Variants in CTNNA3 observed in about 807,000 individuals in gnomAD.
CTNNA3 encodes catenin alpha-3.
CTNNA3 carries 76 observed loss-of-function variants against 95.7 expected under a neutral mutation model. That is an observed-to-expected ratio of 0.79 (90% CI 0.66 to 0.96). The LOEUF is 0.96. Ranked by LOEUF, CTNNA3 falls within the 40% of genes least tolerant of loss-of-function variation. CTNNA3 has a pLI of 0.00. For missense variants in CTNNA3, 1,191 were observed against 1,089.8 expected, an observed-to-expected ratio of 1.09 and a Z score of -1.31; for synonymous variants, 431 against 374.4, an observed-to-expected ratio of 1.15 and a Z score of -1.74.
chr10:67,008,380 T>G (rs1852128564), intron 7 of CTNNA3, among the ~76,000 whole-genome samples: 1 of 152,178 alleles, frequency 6.6e-6, no homozygotes, highest in Non-Finnish European at 1.5e-5. Context: ...TTATATTCAG[T>G]TTTTTAGTTG....
chr10:67,560,147 A>G (rs1841444760), intron 3 of CTNNA3, among the ~76,000 whole-genome samples: 1 of 152,114 alleles, frequency 6.6e-6, no homozygotes, highest in African/African-American at 2.4e-5. Context: ...CACCACAAAG[A>G]TACTCCTCGA....
intron 12 of CTNNA3, among the ~76,000 whole-genome samples, chr10:66,322,085 A>G (rs978772008): frequency 4.6e-5 from 7 of 152,150 alleles, no homozygotes; most frequent in South Asian, 2.1e-4. Context: ...CACACTCAGA[A>G]CAGGCCTCAC....
chr10:66,655,744 T>G (rs1041268088), intron 9 of CTNNA3, among the ~76,000 whole-genome samples: 2 of 151,984 alleles, frequency 1.3e-5, no homozygotes, highest in Non-Finnish European at 2.9e-5. Context: ...GCAGAGACAC[T>G]GAGGGAGATA....
chr10:66,835,389 C>G (rs528487139), intron 7 of CTNNA3, among the ~76,000 whole-genome samples: 69 of 152,288 alleles, frequency 4.5e-4, no homozygotes, highest in African/African-American at 1.6e-3. Context: ...CCCAGTCAGA[C>G]CCAAGGAATG....
intron 11 of CTNNA3, among the ~76,000 whole-genome samples, chr10:66,447,360 T>C (rs1025737592): frequency 5.5e-5 from 8 of 144,306 alleles, no homozygotes; most frequent in Non-Finnish European, 6.0e-5. Context: ...AGAGCCCGCA[T>C]CGCCAAGTCA....
chr10:66,205,076 A>G (rs1406617026), intron 13 of CTNNA3, among the ~76,000 whole-genome samples: 1 of 152,140 alleles, frequency 6.6e-6, no homozygotes, highest in Non-Finnish European at 1.5e-5. Context: ...AGCCTGCTCT[A>G]CAATGTTCAA....
intron 17 of CTNNA3, among the ~76,000 whole-genome samples, chr10:65,921,710 C>CG (rs1286042148): frequency 6.6e-5 from 10 of 152,170 alleles, no homozygotes; most frequent in Non-Finnish European, 2.9e-5. Context: ...TTCTGAGACT[C>CG]CTGCTGAGAG....
chr10:67,292,817 T>C (rs534993954), intron 5 of CTNNA3, among the ~76,000 whole-genome samples: 157 of 152,100 alleles, frequency 1.0e-3, no homozygotes, highest in Non-Finnish European at 1.9e-3. Context: ...GAACAAATCA[T>C]TGTGGTTTGA....
intron 11 of CTNNA3, among the ~76,000 whole-genome samples, chr10:66,439,085 C>T (rs2131779734): frequency 6.6e-6 from 1 of 152,188 alleles, no homozygotes; most frequent in East Asian, 1.9e-4. Context: ...CAGAAATCAC[C>T]CACCTTCTGC....
chr10:67,483,794 A>C (rs1848340902), intron 5 of CTNNA3, among the ~76,000 whole-genome samples: 1 of 151,572 alleles, frequency 6.6e-6, no homozygotes, highest in African/African-American at 2.4e-5. Context: ...AAAACAAAAA[A>C]AAAACAAAAC....
rs911257725 is a variant in CTNNA3 at position 66,170,232 on chromosome 10, C to T, written c.1885-66983G>A. Among the ~76,000 whole-genome samples the T allele has an allele frequency of 4.2e-5, 6 of 141,566 alleles. No individual in the cohort carries two copies. The Admixed American group carries it at 4.3e-4, about 10-fold the overall frequency. The allele number at this position is 141,566 out of a possible 152,430, so 92.9% of individuals were successfully genotyped here. A position where few individuals can be genotyped will look rare whatever the true frequency, so the allele number is the denominator to read the frequency against. On this transcript the variant is annotated intron_variant, in intron 13 of 17. Transcript: ENST00000433211. ...GATGAGAATCCAGTTGCATTCTCCT[C>T]CTCATTGTCTTTTTTTTTTTTTTTT...
At chr10:66,350,175 G>A (rs903435792) in intron 12 of CTNNA3, among the ~76,000 whole-genome samples, 7 of 151,984 alleles carry the variant, frequency 4.6e-5, no homozygotes, top group Admixed American at 2.0e-4. Context: ...ATCCTCTTTC[G>A]TTAAATACTT....
At chr10:67,695,082 A>C (rs762425416) in intron 1 of CTNNA3, among the ~76,000 whole-genome samples, 1 of 152,230 alleles carries the variant, frequency 6.6e-6, no homozygotes, top group Non-Finnish European at 1.5e-5. Context: ...TGAATCTTCA[A>C]ATCACAACTA....
At position 66,452,261 on chromosome 10, in the gene CTNNA3, T is replaced by C. The variant is rs995619806; in HGVS notation, c.1531+68356A>G. ...CCCATTTATATTATTTCGTGTACTGTATTTTTTCCATTAGACTTTTTGTCA... is the reference window on the plus strand; with the variant it reads ...CCCATTTATATTATTTCGTGTACTGCATTTTTTCCATTAGACTTTTTGTCA... On this transcript the variant is annotated intron_variant, in intron 11 of 17. Coordinates refer to ENST00000433211, the MANE Select transcript of CTNNA3 (RefSeq NM_013266.4). Among the ~76,000 whole-genome samples the C allele has an allele frequency of 2.0e-5, 3 of 152,220 alleles. No homozygotes were observed. The South Asian group carries it at 6.2e-4, about 32-fold the overall frequency.
chr10:67,178,333 T>C (rs906235318), intron 7 of CTNNA3, among the ~76,000 whole-genome samples: 2 of 152,108 alleles, frequency 1.3e-5, no homozygotes, highest in African/African-American at 4.8e-5. Flanking sequence ...TCGTGACCTA[T>C]ATGTCACGAG....
At chr10:66,214,131 C>A (rs762856354) in intron 13 of CTNNA3, among the ~76,000 whole-genome samples, 5 of 152,130 alleles carry the variant, frequency 3.3e-5, no homozygotes, top group Admixed American at 6.5e-5. Context: ...ATGCTAGCAG[C>A]CTGCCAAACA....
rs57749652 is a variant in CTNNA3 at position 66,806,756 on chromosome 10, ATGTGTGTGTGTGTGTGTG to A, written c.1048-31250_1048-31233del. Among the ~76,000 whole-genome samples, 10 of 145,830 alleles carry A rather than the reference ATGTGTGTGTGTGTGTGTG, an allele frequency of 6.9e-5. No individual in the cohort carries two copies. In the South Asian group the frequency reaches 1.1e-3, roughly 16 times the overall value. ...TATATTTATAGAGAATGTGGCATAT[ATGTGTGTGTGTGTGTGTG>A]TGTGTGTGTGTGTGTGTGTGTGTAT... On this transcript the variant is annotated intron_variant, in intron 7 of 17. Transcript: ENST00000433211.
chr10:67,739,970 A>C (rs1004099610), intron 1 of CTNNA3, among the ~76,000 whole-genome samples: 2 of 152,192 alleles, frequency 1.3e-5, no homozygotes, highest in African/African-American at 4.8e-5. Context: ...ATATAGATCA[A>C]TGGAACAGAA....
intron 11 of CTNNA3, among the ~76,000 whole-genome samples, chr10:66,418,111 T>C (rs952890480): frequency 8.9e-5 from 10 of 112,186 alleles, no homozygotes; most frequent in African/African-American, 3.4e-4. Context: ...ATTGAAAACA[T>C]TAAAAAAAAA....
Sources: allele counts gnomAD v4.1 joint callset (sites outside exome capture counted in the v4.1 genomes callset), GRCh38; gene constraint gnomAD v4.1.1; transcripts MANE v1.5; gene names NCBI Gene and HGNC (gene_info 2026-07-23, HGNC 2026-07-21).